Variants in TAB2 observed in about 807,000 individuals in gnomAD.
The protein encoded by TAB2 is TGF-beta activated kinase 1 (MAP3K7) binding protein 2.
TAB2 carries 3 observed loss-of-function variants against 65.0 expected under a neutral mutation model. That is an observed-to-expected ratio of 0.05 (90% CI 0.02 to 0.12). The LOEUF (loss-of-function observed/expected upper bound fraction) is 0.12. TAB2 is among the 10% of genes least tolerant of loss of function. The probability of loss-of-function intolerance (pLI) is 1.00; values close to 1 mark genes in which losing one functional copy is unlikely to be tolerated. For synonymous variants in TAB2, 298 were observed against 285.1 expected (o/e 1.05, Z -0.46); for missense variants, 623 against 840.3 (o/e 0.74, Z 3.20).
chr6:149,312,347 C>CT (rs1001136095), intron 1 of TAB2, among the ~76,000 whole-genome samples: 14 of 151,962 alleles, frequency 9.2e-5, no homozygotes, highest in African/African-American at 1.9e-4. Flanking sequence ...TTTCCATGTG[C>CT]TTTTTTTTAA....
intron 2 of TAB2, among the ~76,000 whole-genome samples, chr6:149,371,570 C>G (rs1316652404): frequency 6.6e-6 from 1 of 152,162 alleles, no homozygotes; most frequent in Non-Finnish European, 1.5e-5. Context: ...TTGACAGTTG[C>G]TAGCAGTAAC....
At chr6:149,323,422 G>A (rs573987310) in intron 1 of TAB2, among the ~76,000 whole-genome samples, 81 of 152,194 alleles carry the variant, frequency 5.3e-4, no homozygotes, top group South Asian at 2.3e-3. Flanking sequence ...AACTGTTAAA[G>A]AACAAGTTTA....
intron 1 of TAB2, among the ~76,000 whole-genome samples, chr6:149,310,108 C>T (rs1309003832): frequency 2.0e-5 from 3 of 151,896 alleles, no homozygotes; most frequent in Non-Finnish European, 2.9e-5. Flanking sequence ...GGAGATGGGC[C>T]GACTGCTTGA....
intron 1 of TAB2, among the ~76,000 whole-genome samples, chr6:149,302,930 T>C (rs1307389837): frequency 6.6e-6 from 1 of 152,242 alleles, no homozygotes; most frequent in Non-Finnish European, 1.5e-5. Flanking sequence ...CATTCTCCAT[T>C]GCTCCTATTA....
intron 1 of TAB2, among the ~76,000 whole-genome samples, chr6:149,311,833 A>G (rs1012666001): frequency 1.3e-5 from 2 of 152,220 alleles, no homozygotes; most frequent in African/African-American, 4.8e-5. Context: ...CCAGTTGGGA[A>G]GATAACAGAA....
At chr6:149,288,446 C>T (rs1220616744) in intron 1 of TAB2, among the ~76,000 whole-genome samples, 3 of 152,154 alleles carry the variant, frequency 2.0e-5, no homozygotes, top group Non-Finnish European at 4.4e-5. Flanking sequence ...TTTCTCTGGT[C>T]CTGCCCATCT....
chr6:149,341,933 T>A (rs1223635820), intron 1 of TAB2, among the ~76,000 whole-genome samples: 3 of 152,114 alleles, frequency 2.0e-5, no homozygotes, highest in Non-Finnish European at 4.4e-5. Context: ...TTTCCAGGTT[T>A]TAATAATCAA....
At chr6:149,351,564 T>C (rs867502638) in intron 1 of TAB2, among the ~76,000 whole-genome samples, 1 of 152,356 alleles carries the variant, frequency 6.6e-6, no homozygotes. Context: ...TACTATGTGC[T>C]CTTTTTATTA....
chr6:149,218,595 G>T (rs1777072008), upstream of TAB2: 1 of 296,848 alleles, frequency 3.4e-6, no homozygotes, highest in African/African-American at 2.2e-5. Context: ...CAGGGTAGGG[G>T]TTGAAAGACA....
intron 1 of TAB2, among the ~76,000 whole-genome samples, chr6:149,264,252 T>C (rs1778215492): frequency 6.6e-6 from 1 of 152,204 alleles, no homozygotes; most frequent in South Asian, 2.1e-4. Flanking sequence ...AGGGGCAATG[T>C]CTTCCCATTC....
intron 1 of TAB2, among the ~76,000 whole-genome samples, chr6:149,276,331 C>T (rs1237776163): frequency 6.6e-6 from 1 of 152,026 alleles, no homozygotes; most frequent in African/African-American, 2.4e-5. Context: ...TTGGTTTATA[C>T]CTCTATATAT....
intron 3 of TAB2, chr6:149,379,813 C>G (rs1781550276): frequency 6.7e-6 from 3 of 445,802 alleles, no homozygotes; most frequent in South Asian, 5.0e-5. Flanking sequence ...AATCTTATAC[C>G]TGTGGTGATG....
rs1454532814 is a variant in TAB2 at position 149,410,644 on chromosome 6, G to A, written c.*925G>A. On this transcript the variant is annotated 3_prime_UTR_variant, in exon 7 of 7. Coordinates refer to ENST00000637181, the MANE Select transcript of TAB2 (RefSeq NM_001292034.3). ...TGAAGACAGGCAGATGCTGCACAGT[G>A]AATTGCAGATGATATTACAGAAGTG... The A allele has an allele frequency of 1.3e-5, 2 of 152,648 alleles. No homozygotes were observed. Among genetic ancestry groups the A allele is most frequent in the African/African-American group, 4.8e-5 (2 of 41,444 alleles). 9.5% of individuals were successfully genotyped at this position (152,648 alleles called of 1,614,324 possible). A position where few individuals can be genotyped will look rare whatever the true frequency, so the allele number is the denominator to read the frequency against.
intron 3 of TAB2, among the ~76,000 whole-genome samples, chr6:149,393,239 A>T (rs1437728477): frequency 1.3e-5 from 2 of 152,200 alleles, no homozygotes; most frequent in Non-Finnish European, 2.9e-5. Flanking sequence ...TATAGTCATT[A>T]TAACTCTAAA....
At position 149,379,136 on chromosome 6, in the gene TAB2, C is replaced by G. The variant is rs368315641; in HGVS notation, c.1221C>G (p.Leu407=). The G allele has an allele frequency of 6.8e-6, 11 of 1,614,108 alleles. No homozygotes were observed. The highest frequency in any genetic ancestry group is 9.3e-6 in the Non-Finnish European group (11 of 1,180,050). Residue 407 remains leucine, a synonymous_variant, in exon 3 of 7, where the codon CTC becomes CTG. Coordinates refer to ENST00000637181, the MANE Select transcript of TAB2 (RefSeq NM_001292034.3). Reference sequence around the variant, plus strand: ...AGGTCATGCGGAATCAGCCCACACTCTTCATATCCACAAACTCTGGAGCAT... The same window carrying G: ...AGGTCATGCGGAATCAGCCCACACTGTTCATATCCACAAACTCTGGAGCAT... The part of the protein sequence containing the change: ...DEQVMRNQPT[L]FISTNSGASA...
intron 3 of TAB2, among the ~76,000 whole-genome samples, chr6:149,386,968 T>C (rs1420316622): frequency 6.6e-6 from 1 of 152,248 alleles, no homozygotes; most frequent in Non-Finnish European, 1.5e-5. Context: ...GTTATTCATC[T>C]TTATTGTTAA....
At chr6:149,255,672 T>C (rs1181719966) in intron 1 of TAB2, among the ~76,000 whole-genome samples, 2 of 152,242 alleles carry the variant, frequency 1.3e-5, no homozygotes, top group African/African-American at 2.4e-5. Flanking sequence ...GTATTCTAGA[T>C]TGATTAGCTA....
At chr6:149,331,050 A>G (rs1583095492) in intron 1 of TAB2, among the ~76,000 whole-genome samples, 1 of 152,146 alleles carries the variant, frequency 6.6e-6, no homozygotes, top group South Asian at 2.1e-4. Flanking sequence ...AAAATTAGAT[A>G]GTGAAATTCC....
intron 1 of TAB2, among the ~76,000 whole-genome samples, chr6:149,272,921 A>T (rs1778388977): frequency 6.6e-6 from 1 of 152,200 alleles, no homozygotes; most frequent in Admixed American, 6.5e-5. Flanking sequence ...CCTATTGTGA[A>T]CTGCACGTGA....
Sources: gnomAD v4.1 joint callset for allele counts (sites outside exome capture counted in the v4.1 genomes callset) on GRCh38, gnomAD v4.1.1 for gene constraint, MANE v1.5 for transcripts, NCBI Gene and HGNC (gene_info 2026-07-23, HGNC 2026-07-21) for gene names.